PTGIR: variants seen among roughly 807,000 people sequenced by gnomAD.
The protein encoded by PTGIR is prostaglandin I2 receptor.
PTGIR carries 16 observed loss-of-function variants against 17.6 expected under a neutral mutation model. That is an observed-to-expected ratio of 0.91 (90% CI 0.61 to 1.38). PTGIR has a LOEUF of 1.38. PTGIR is among the 40% of genes most tolerant of loss of function. PTGIR has a pLI of 0.00. For missense variants in PTGIR, 532 were observed against 548.6 expected, an observed-to-expected ratio of 0.97 and a Z score of 0.30; for synonymous variants, 274 against 255.4, an observed-to-expected ratio of 1.07 and a Z score of -0.69.
chr19:46,616,283 G>A (rs940808921), downstream of PTGIR, among the ~76,000 whole-genome samples: 1 of 147,716 alleles, frequency 6.8e-6, no homozygotes, highest in African/African-American at 2.5e-5. Context: ...TAGAAGGGAG[G>A]CATCAGATGC....
At chr19:46,614,435 T>A in the PTGIR span, 1 of 985,240 alleles carries the variant, frequency 1.0e-6, no homozygotes, top group Non-Finnish European at 1.2e-6. Context: ...TGGGAATGAA[T>A]AAAAAGAAAG....
chr19:46,620,157 T>C (rs1233270199), downstream of PTGIR, among the ~76,000 whole-genome samples: 1 of 152,186 alleles, frequency 6.6e-6, no homozygotes, highest in Non-Finnish European at 1.5e-5. Flanking sequence ...CGTCACCCAG[T>C]GGCACGATCT....
At position 46,623,695 on chromosome 19, in the gene PTGIR, G is replaced by T. The variant is rs771155397; in HGVS notation, c.531C>A (p.Ala177=). Residue 177 remains alanine (A), a synonymous_variant, in exon 2 of 3, where the codon GCC becomes GCA. Coordinates refer to ENST00000291294, the MANE Select transcript of PTGIR (RefSeq NM_000960.4). ...GSWCFLRMRW[A]QPGGAAFSLA... is the part of the protein sequence containing the mutation. ...GCGAGAAGGCGGCGCCGCCCGGCTG[G>T]GCCCAGCGCATGCGGAGGAAGCACC... 2.6e-6 allele frequency: 4 copies of T among 1,563,636 alleles called. No homozygotes were observed. Among genetic ancestry groups the T allele is most frequent in the Non-Finnish European group, 3.5e-6 (4 of 1,158,132 alleles).
downstream of PTGIR, among the ~76,000 whole-genome samples, chr19:46,618,014 A>AT (rs56961349): frequency 0.07 from 7,890 of 112,744 alleles, 542 homozygotes; most frequent in East Asian, 0.3. Flanking sequence ...AATTTTTGTA[A>AT]TTTTTTTTTT....
chr19:46,611,316 C>CA, the PTGIR span, among the ~76,000 whole-genome samples: 1 of 152,134 alleles, frequency 6.6e-6, no homozygotes, highest in East Asian at 1.9e-4. Flanking sequence ...GAGAGGAAGG[C>CA]AGGGGCAGGC....
rs1211550764 is a variant in PTGIR at position 46,620,557 on chromosome 19, C to T, written c.*723G>A. ...GTGTTCTGGGGCAGTCCCTGGGATC[C>T]GCAGCCCCCACCCTTCATCTGCCAG... On this transcript the variant is annotated 3_prime_UTR_variant, in exon 3 of 3. Coordinates refer to ENST00000291294, the MANE Select transcript of PTGIR (RefSeq NM_000960.4). 11 of 985,430 alleles carry T rather than the reference C, an allele frequency of 1.1e-5. No homozygotes were observed. The highest frequency in any genetic ancestry group is 1.1e-4 in the East Asian group (1 of 8,812). The allele number at this position is 985,430 out of a possible 1,614,324, so 61.0% of individuals were successfully genotyped here.
At chr19:46,614,286 C>T in the PTGIR span, 2 of 776,722 alleles carry the variant, frequency 2.6e-6, no homozygotes, top group African/African-American at 1.9e-5. Context: ...CTGAGTGTCA[C>T]TCCCAGTGTG....
rs2052762825 is a variant in PTGIR, at chr19:46,623,781, G to C, written c.445C>G (p.Leu149Val). Reference sequence around the variant, plus strand: ...CCCAGCAGGGGCAGCGCGCAGAAGAGGACGCAGAAGGCGTAGATGGCTGGC... The same window carrying C: ...CCCAGCAGGGGCAGCGCGCAGAAGACGACGCAGAAGGCGTAGATGGCTGGC... ...ALPAIYAFCV[L>V]FCALPLLGLG... is the part of the protein sequence containing the mutation. The change falls in exon 2 of 3, where the codon CTC (leucine) becomes GTC (valine). Residue 149 changes from leucine (L) to valine (V), a missense_variant. Coordinates refer to ENST00000291294, the MANE Select transcript of PTGIR (RefSeq NM_000960.4). The C allele has an allele frequency of 6.2e-7, 1 of 1,606,432 alleles. No homozygotes were observed. The highest frequency in any genetic ancestry group is 8.5e-7 in the Non-Finnish European group (1 of 1,178,178).
chr19:46,614,321 G>C, the PTGIR span: 1 of 930,006 alleles, frequency 1.1e-6, no homozygotes, highest in Non-Finnish European at 1.3e-6. Context: ...CAATGACCAC[G>C]GAAGACCCTG....
chr19:46,624,481 G>A (rs1465582807), intron 1 of PTGIR: 2 of 403,864 alleles, frequency 5.0e-6, no homozygotes, highest in African/African-American at 4.2e-5. Context: ...TTGAGACAGA[G>A]TCTCACTCTG....
chr19:46,611,201 T>C, the PTGIR span, among the ~76,000 whole-genome samples: 2 of 151,848 alleles, frequency 1.3e-5, no homozygotes, highest in Admixed American at 6.6e-5. Flanking sequence ...GGGGACGACA[T>C]GTATGGAAGC....
chr19:46,617,981 T>C (rs1052516176), downstream of PTGIR, among the ~76,000 whole-genome samples: 1 of 149,710 alleles, frequency 6.7e-6, no homozygotes, highest in African/African-American at 2.5e-5. Context: ...TGGGACTACA[T>C]GTGTGCGCTA....
chr19:46,618,108 G>A (rs576998138), downstream of PTGIR, among the ~76,000 whole-genome samples: 3 of 148,044 alleles, frequency 2.0e-5, no homozygotes, highest in Middle Eastern at 3.6e-3. Context: ...TCTGCCTCCC[G>A]GGTTCACACC....
downstream of PTGIR, among the ~76,000 whole-genome samples, chr19:46,619,576 AGAG>A (rs1568675661): frequency 7.3e-3 from 932 of 127,294 alleles, 16 homozygotes; most frequent in African/African-American, 0.01. Context: ...AGAGAGAGAG[AGAG>A]AGAGAAAGAA....
chr19:46,619,737 G>T (rs1972032336), downstream of PTGIR, among the ~76,000 whole-genome samples: 1 of 152,252 alleles, frequency 6.6e-6, no homozygotes, highest in African/African-American at 2.4e-5. Context: ...CCCTCGAAGA[G>T]TTGGCTGCTG....
Position 46,623,773 on chromosome 19 carries a change from G to A in PTGIR, c.453C>T (p.Cys151=), listed in dbSNP as rs768596123. 53 of 1,605,108 alleles carry A rather than the reference G, an allele frequency of 3.3e-5. No homozygotes were observed. In the East Asian group the frequency reaches 9.8e-4, roughly 30 times the overall value. The change falls in exon 2 of 3, where the codon TGC becomes TGT. Residue 151 remains cysteine (C), a synonymous_variant. Coordinates refer to ENST00000291294, the MANE Select transcript of PTGIR (RefSeq NM_000960.4). ...GGCCCAGGCCCAGCAGGGGCAGCGC[G>A]CAGAAGAGGACGCAGAAGGCGTAGA... The part of the protein sequence containing the change: ...PAIYAFCVLF[C]ALPLLGLGQH...
In PTGIR at chr19:46,623,350, G is replaced by A. The variant is rs758454541; in HGVS notation, c.768+108C>T. 17 of 1,313,410 alleles carry A rather than the reference G, an allele frequency of 1.3e-5. No homozygotes were observed. In the Admixed American group the frequency reaches 1.5e-4, roughly 12 times the overall value. 81.4% of individuals were successfully genotyped at this position (1,313,410 alleles called of 1,614,324 possible). Reference sequence around the variant, plus strand: ...TACAGGCGTGAGCCACCATGCCCACGATGTCTCACCTCTTTTGAGCCTCAG... The same window carrying A: ...TACAGGCGTGAGCCACCATGCCCACAATGTCTCACCTCTTTTGAGCCTCAG... On this transcript the variant is annotated intron_variant, in intron 2 of 2. Coordinates refer to ENST00000291294, the MANE Select transcript of PTGIR (RefSeq NM_000960.4).
At chr19:46,623,313 A>T in intron 2 of PTGIR, 145 bp downstream of exon 2, 1 of 1,032,108 alleles carries the variant, frequency 9.7e-7, no homozygotes, top group Non-Finnish European at 1.3e-6. Flanking sequence ...CGGCCTTTCT[A>T]CATGCTGGGA....
Position 46,623,958 on chromosome 19 carries a change from C to G in PTGIR, c.268G>C (p.Ala90Pro), listed in dbSNP as rs568430859. The G allele has an allele frequency of 1.6e-5, 26 of 1,584,850 alleles. No individual in the cohort carries two copies. In the East Asian group the frequency reaches 5.6e-4, roughly 34 times the overall value. ...SLLGLARGGP[A>P]LCDAFAFAMT... ...GCGAAGGCGAAGGCATCGCACAGGG[C>G]GGGGCCGCCTCGGGCCAGGCCCAGC... Residue 90 changes from alanine to proline, a missense_variant, in exon 2 of 3, where the codon GCC (alanine) becomes CCC (proline). Ala to Pro is a conservative substitution (Grantham distance 27, BLOSUM62 -1). Coordinates refer to ENST00000291294, the MANE Select transcript of PTGIR (RefSeq NM_000960.4).
Sources: allele counts gnomAD v4.1 joint callset (sites outside exome capture counted in the v4.1 genomes callset), GRCh38; gene constraint gnomAD v4.1.1; transcripts MANE v1.5; gene names NCBI Gene and HGNC (gene_info 2026-07-23, HGNC 2026-07-21).